The following HDAC8 variants were observed in gnomAD, a reference collection of about 807,000 sequenced individuals.
HDAC8 encodes histone deacetylase-like 1.
In HDAC8, 1 loss-of-function variant was observed where a neutral mutation model predicts 32.2. The ratio of observed to expected loss-of-function variants is 0.03; its 90% CI spans 0.01 to 0.15. The LOEUF is 0.15. Among genes scored for constraint, HDAC8 ranks in the 10% least tolerant of loss-of-function variants. HDAC8 has a pLI of 1.00. For synonymous variants in HDAC8, 108 were observed against 113.9 expected (o/e 0.95, Z 0.33); for missense variants, 117 against 300.0 (o/e 0.39, Z 4.51).
chrX:72,355,315 C>T, intron 9 of HDAC8, among the ~76,000 whole-genome samples: 1 of 112,265 alleles, frequency 8.9e-6, no homozygotes, highest in East Asian at 2.8e-4. Context: ...AATCCCATTC[C>T]CAGACAGGTG....
At chrX:72,556,549 G>A (rs1303772375) in intron 4 of HDAC8, among the ~76,000 whole-genome samples, 2 of 111,280 alleles carry the variant, frequency 1.8e-5, no homozygotes, top group East Asian at 5.7e-4. Flanking sequence ...AAGGTAAAGG[G>A]GCAGAAAAAG....
chrX:72,398,587 G>A (rs1038485714), intron 9 of HDAC8, among the ~76,000 whole-genome samples: 6 of 107,723 alleles, frequency 5.6e-5, no homozygotes, highest in Admixed American at 2.0e-4. Context: ...CTCCTGCCTC[G>A]ACCGAGATCT....
chrX:72,442,582 T>C (rs1260374986), intron 9 of HDAC8, among the ~76,000 whole-genome samples: 18 of 111,895 alleles, frequency 1.6e-4, no homozygotes, highest in Non-Finnish European at 7.5e-5. Flanking sequence ...TGCGAAATCA[T>C]GCCAAATTGT....
At chrX:72,511,140 G>A (rs12009360) in intron 4 of HDAC8, among the ~76,000 whole-genome samples, 1,900 of 111,266 alleles carry the variant, frequency 0.017, 42 homozygotes, top group African/African-American at 0.057. Flanking sequence ...AAATGTATAC[G>A]TACATTTTAA....
At chrX:72,506,237 G>A (rs1443821855) in intron 4 of HDAC8, among the ~76,000 whole-genome samples, 1 of 112,481 alleles carries the variant, frequency 8.9e-6, no homozygotes, top group African/African-American at 3.2e-5. Flanking sequence ...CATGAAAGAT[G>A]ACTGTCTTAG....
At chrX:72,403,523 T>C (rs1392274875) in intron 9 of HDAC8, among the ~76,000 whole-genome samples, 3 of 112,439 alleles carry the variant, frequency 2.7e-5, no homozygotes, top group East Asian at 5.5e-4. Context: ...TGTAATTTCA[T>C]CTCTTTTAAA....
intron 7 of HDAC8, among the ~76,000 whole-genome samples, chrX:72,478,723 G>A (rs1694396108): frequency 9.7e-6 from 1 of 102,796 alleles, no homozygotes; most frequent in African/African-American, 3.6e-5. Context: ...GCGTGATCTC[G>A]GCTCACTGTA....
chrX:72,330,101 T>A (rs782266588), intron 10 of HDAC8, 25 bp from the exon 11 acceptor site: 74 of 1,183,519 alleles, frequency 6.3e-5, no homozygotes, highest in Non-Finnish European at 8.2e-5. Context: ...GAAAACAAAA[T>A]TCAAAGTCAG....
At chrX:72,562,673 T>C (rs1020771648) in intron 4 of HDAC8, among the ~76,000 whole-genome samples, 8 of 109,731 alleles carry the variant, frequency 7.3e-5, no homozygotes, top group African/African-American at 2.3e-4. Context: ...CAAAAGCCTA[T>C]TGAAATAAAA....
At chrX:72,571,553 C>CTTTT (rs782331910) in intron 2 of HDAC8, among the ~76,000 whole-genome samples, 434 of 30,470 alleles carry the variant, frequency 0.014, no homozygotes, top group Middle Eastern at 0.033. Context: ...TTCTTTCTTT[C>CTTTT]TTTTTTTTTT....
At chrX:72,491,449 C>T (rs1164264150) in intron 5 of HDAC8, among the ~76,000 whole-genome samples, 1 of 112,083 alleles carries the variant, frequency 8.9e-6, no homozygotes, top group Non-Finnish European at 1.9e-5. Flanking sequence ...TTTCCAAAGA[C>T]GTACAACGTG....
At chrX:72,374,856 G>A (rs2045012133) in intron 9 of HDAC8, among the ~76,000 whole-genome samples, 2 of 102,351 alleles carry the variant, frequency 2.0e-5, no homozygotes, top group Admixed American at 2.2e-4. Flanking sequence ...CACCTGGGCT[G>A]GAAGCAGTGG....
At chrX:72,344,003 C>T (rs2043957510) in intron 10 of HDAC8, among the ~76,000 whole-genome samples, 1 of 112,292 alleles carries the variant, frequency 8.9e-6, no homozygotes, top group Non-Finnish European at 1.9e-5. Flanking sequence ...AGGCCAAATG[C>T]GGAGCAATAA....
At chrX:72,474,598 G>A in intron 7 of HDAC8, 1 of 1,180,910 alleles carries the variant, frequency 8.5e-7, no homozygotes, top group Non-Finnish European at 1.1e-6. Context: ...CATTTAAAAT[G>A]CAGTTTTCTT....
chrX:72,560,831 A>C (rs1460825664), intron 4 of HDAC8, among the ~76,000 whole-genome samples: 1 of 109,801 alleles, frequency 9.1e-6, no homozygotes, highest in Non-Finnish European at 1.9e-5. Context: ...TAATACACTT[A>C]TGTGGTGAAT....
At chrX:72,484,108 C>T (rs2048594461) in intron 7 of HDAC8, among the ~76,000 whole-genome samples, 1 of 112,528 alleles carries the variant, frequency 8.9e-6, no homozygotes, top group East Asian at 2.8e-4. Context: ...TTATTCACTT[C>T]TGCAGTCTCT....
chrX:72,387,235 C>T (rs782027294), intron 9 of HDAC8, among the ~76,000 whole-genome samples: 50 of 111,789 alleles, frequency 4.5e-4, no homozygotes, highest in African/African-American at 1.6e-3. Flanking sequence ...AGCTGGGAGC[C>T]ATGTAGGGTA....
At chrX:72,414,774 A>G (rs1157691345) in intron 9 of HDAC8, among the ~76,000 whole-genome samples, 1 of 111,845 alleles carries the variant, frequency 8.9e-6, no homozygotes, top group Admixed American at 9.4e-5. Flanking sequence ...GGAGCCCAGT[A>G]GACCATACAC....
chrX:72,442,081 G>A (rs1265683420), intron 9 of HDAC8, among the ~76,000 whole-genome samples: 1 of 111,037 alleles, frequency 9.0e-6, no homozygotes, highest in Non-Finnish European at 1.9e-5. Flanking sequence ...AAAGTGACGG[G>A]GAGAATGGAA....
Sources: gnomAD v4.1 joint callset for allele counts (sites outside exome capture counted in the v4.1 genomes callset) on GRCh38, gnomAD v4.1.1 for gene constraint, MANE v1.5 for transcripts, NCBI Gene and HGNC (gene_info 2026-07-23, HGNC 2026-07-21) for gene names.